The following SYNE2 variants were observed in gnomAD, a reference collection of about 807,000 sequenced individuals.
The protein encoded by SYNE2 is spectrin repeat containing nuclear envelope protein 2, also known as nesprin-2.
A neutral mutation model predicts 856.3 loss-of-function variants in SYNE2; 431 were observed. The ratio of observed to expected loss-of-function variants is 0.50; its 90% CI spans 0.47 to 0.55. The LOEUF is 0.55. SYNE2 is among the 20% of genes least tolerant of loss of function. The probability of loss-of-function intolerance (pLI) is 0.00; values close to 1 mark genes in which losing one functional copy is unlikely to be tolerated. For missense variants in SYNE2, 8,129 were observed against 8,023.2 expected (o/e 1.01, Z -0.50); for synonymous variants, 2,923 against 2,872.3 (o/e 1.02, Z -0.56).
At chr14:63,861,387 C>T (rs1430033097) in intron 1 of SYNE2, among the ~76,000 whole-genome samples, 1 of 151,930 alleles carries the variant, frequency 6.6e-6, no homozygotes, top group Non-Finnish European at 1.5e-5. Flanking sequence ...TCGTGATCCG[C>T]CCACCTCAGC....
intron 65 of SYNE2, among the ~76,000 whole-genome samples, chr14:64,112,622 ACTTT>A (rs1421868052): frequency 6.6e-6 from 1 of 152,168 alleles, no homozygotes; most frequent in East Asian, 1.9e-4. Flanking sequence ...AACACACCAC[ACTTT>A]CTTTATACTG....
upstream of SYNE2, chr14:63,852,847 G>A (rs1890671984): frequency 6.6e-6 from 1 of 152,044 alleles, no homozygotes; most frequent in Non-Finnish European, 1.5e-5. Flanking sequence ...TGCCCGCCCC[G>A]GGCTGCGGCG....
chr14:63,974,882 G>GTA (rs1465256139), intron 11 of SYNE2, among the ~76,000 whole-genome samples: 4 of 27,142 alleles, frequency 1.5e-4, no homozygotes, highest in African/African-American at 5.2e-4. Flanking sequence ...GTGTGTGTGT[G>GTA]TGTGTGTGTG....
At chr14:63,992,177 G>T (rs914890547) in intron 21 of SYNE2, among the ~76,000 whole-genome samples, 4 of 151,410 alleles carry the variant, frequency 2.6e-5, no homozygotes, top group African/African-American at 9.7e-5. Flanking sequence ...ATGAATGCTT[G>T]TTTTAAACGA....
rs2098717982 is a variant in SYNE2, at chr14:64,226,287, T to C, written c.*761T>C. ...TTTTTGTAAGTTAATTTTCTAAGAC[T>C]TTTTCACATCCAAAGTGATGCTTTG... On this transcript the variant is annotated 3_prime_UTR_variant, in exon 116 of 116. Coordinates refer to ENST00000555002, the MANE Select transcript of SYNE2 (RefSeq NM_182914.3). 1 of 151,998 alleles carries C rather than the reference T, an allele frequency of 6.6e-6. No individual in the cohort carries two copies. 9.4% of individuals were successfully genotyped at this position (151,998 alleles called of 1,614,324 possible).
rs760548610 is a variant in SYNE2 at position 64,022,004 on chromosome 14, G to C, written c.5500G>C (p.Asp1834His). The stretch of plus-strand genomic sequence containing the variant: ...TAATACCAAAAAAAGTGTTTTGCAA[G>C]ATCACTTTTCTAAGTTATTGAATGG... The part of the protein sequence containing the change: ...LFNTKKSVLQ[D>H]HFSKLLNDQC... Residue 1834 changes from aspartate (D) to histidine (H), a missense_variant, in exon 37 of 116, where the codon GAT becomes CAT. Physicochemically the swap from Asp to His is moderately conservative, Grantham distance 81. Coordinates refer to ENST00000555002, the MANE Select transcript of SYNE2 (RefSeq NM_182914.3). 3 of 1,613,728 alleles carry C rather than the reference G, an allele frequency of 1.9e-6. No homozygotes were observed. The highest frequency in any genetic ancestry group is 2.5e-6 in the Non-Finnish European group (3 of 1,179,838).
At chr14:63,870,306 C>G (rs1220291430) in intron 1 of SYNE2, among the ~76,000 whole-genome samples, 1 of 150,362 alleles carries the variant, frequency 6.7e-6, no homozygotes, top group Non-Finnish European at 1.5e-5. Context: ...AAATGCTTTA[C>G]AAAATTAGCC....
At chr14:63,991,153 T>C in intron 21 of SYNE2, 38 bp downstream of exon 21, 1 of 1,589,826 alleles carries the variant, frequency 6.3e-7, no homozygotes, top group Non-Finnish European at 8.6e-7. Flanking sequence ...AGGACATTAT[T>C]GTTAACTGCC....
chr14:64,166,539 T>TA (rs1485097068), intron 90 of SYNE2, among the ~76,000 whole-genome samples: 1 of 152,262 alleles, frequency 6.6e-6, no homozygotes, highest in East Asian at 1.9e-4. Context: ...CTTGCTCTGC[T>TA]AGAGTTATTT....
chr14:63,773,603 T>C (rs1209906143), intron 1 of SYNE2, among the ~76,000 whole-genome samples: 2 of 152,186 alleles, frequency 1.3e-5, no homozygotes, highest in South Asian at 4.1e-4. Flanking sequence ...CGTGCTAGAA[T>C]ATAGTGATTA....
chr14:64,208,377 C>G (rs1324443092), intron 100 of SYNE2, among the ~76,000 whole-genome samples: 1 of 152,194 alleles, frequency 6.6e-6, no homozygotes, highest in Non-Finnish European at 1.5e-5. Context: ...GAAACCAAGT[C>G]TAAACTGGAG....
At chr14:63,909,542 C>T (rs2095447331) in intron 2 of SYNE2, among the ~76,000 whole-genome samples, 1 of 152,004 alleles carries the variant, frequency 6.6e-6, no homozygotes, top group Non-Finnish European at 1.5e-5. Flanking sequence ...TGTGTAGCTT[C>T]TTTTAAATGC....
chr14:63,762,117 G>T (rs1018043316), intron 1 of SYNE2: 1 of 448,300 alleles, frequency 2.2e-6, no homozygotes, highest in South Asian at 1.7e-5. Flanking sequence ...ATGATCCTAC[G>T]ATAGAAGATT....
At chr14:64,219,593 T>A (rs2098685605) in intron 110 of SYNE2, among the ~76,000 whole-genome samples, 183 bp downstream of exon 110, 1 of 152,216 alleles carries the variant, frequency 6.6e-6, no homozygotes, top group African/African-American at 2.4e-5. Context: ...ATTTTTGTTT[T>A]CACATGGAAG....
At chr14:64,091,949 A>ACT (rs1306708193) in intron 60 of SYNE2, among the ~76,000 whole-genome samples, 2 of 151,958 alleles carry the variant, frequency 1.3e-5, no homozygotes, top group South Asian at 4.2e-4. Flanking sequence ...TTTGGTGGCC[A>ACT]CTCTGTTCTC....
chr14:63,975,720 A>T (rs546446605), intron 11 of SYNE2, among the ~76,000 whole-genome samples: 5 of 152,154 alleles, frequency 3.3e-5, no homozygotes, highest in African/African-American at 1.2e-4. Flanking sequence ...AGGTGCTTCC[A>T]TGTTGGCATT....
At chr14:64,190,900 A>G in intron 99 of SYNE2, 1 of 697,852 alleles carries the variant, frequency 1.4e-6, no homozygotes, top group Non-Finnish European at 2.6e-6. Context: ...AATGTCTTCA[A>G]ATTCCCTCTC....
Position 64,000,549 on chromosome 14 carries a change from G to A in SYNE2, c.3481-13G>A. 1 of 1,609,790 alleles carries A rather than the reference G, an allele frequency of 6.2e-7. No individual in the cohort carries two copies. The highest frequency in any genetic ancestry group is 8.5e-7 in the Non-Finnish European group (1 of 1,176,586). On this transcript the variant is annotated splice_polypyrimidine_tract_variant and intron_variant, in intron 27 of 115. Transcript: ENST00000555002. ...CCCATTAGTTGATAAATTAATTTATGTGTTCCATCTAGGTCATAAAAAATG... is the reference window on the plus strand; with the variant it reads ...CCCATTAGTTGATAAATTAATTTATATGTTCCATCTAGGTCATAAAAAATG...
At chr14:64,064,023 G>A (rs976933377) in intron 50 of SYNE2, among the ~76,000 whole-genome samples, 1 of 152,176 alleles carries the variant, frequency 6.6e-6, no homozygotes, top group Non-Finnish European at 1.5e-5. Flanking sequence ...AAAGTTGGGT[G>A]AATGTGGTCT....
Sources: gnomAD v4.1 joint callset for allele counts (sites outside exome capture counted in the v4.1 genomes callset) on GRCh38, gnomAD v4.1.1 for gene constraint, MANE v1.5 for transcripts, NCBI Gene and HGNC (gene_info 2026-07-23, HGNC 2026-07-21) for gene names.